BAZ2A: variants seen among roughly 807,000 people sequenced by gnomAD.
The protein encoded by BAZ2A is bromodomain adjacent to zinc finger domain 2A, also known as bromodomain adjacent to zinc finger domain protein 2A.
Under a neutral mutation model 199.9 loss-of-function variants are expected in BAZ2A, and 34 were observed. The ratio of observed to expected loss-of-function variants is 0.17; its 90% CI spans 0.13 to 0.23. The LOEUF (loss-of-function observed/expected upper bound fraction) is 0.23. BAZ2A is among the 10% of genes least tolerant of loss of function. The pLI, the probability that BAZ2A is intolerant of heterozygous loss-of-function variation, is 1.00. For missense variants in BAZ2A, 2,002 were observed against 2,391.1 expected, an observed-to-expected ratio of 0.84 and a Z score of 3.39; for synonymous variants, 857 against 883.9, an observed-to-expected ratio of 0.97 and a Z score of 0.54.
At chr12:56,603,804 G>C (rs982958025) in intron 16 of BAZ2A, 104 bp from the exon 17 acceptor site, 1 of 1,313,968 alleles carries the variant, frequency 7.6e-7, no homozygotes, top group East Asian at 2.5e-5. Flanking sequence ...CCTGAGGTCA[G>C]GAGTTCGAGA....
At position 56,604,386 on chromosome 12, in the gene BAZ2A, G is replaced by A. The variant is rs952513344; in HGVS notation, c.2964-95C>T. 3 of 1,402,080 alleles carry A rather than the reference G, an allele frequency of 2.1e-6. No homozygotes were observed. In the East Asian group the frequency reaches 7.4e-5, roughly 35 times the overall value. The allele number at this position is 1,402,080 out of a possible 1,614,324, so 86.9% of individuals were successfully genotyped here. On this transcript the variant is annotated intron_variant, in intron 15 of 28. Coordinates refer to ENST00000549884, the MANE Select transcript of BAZ2A (RefSeq NM_001300905.2). Reference sequence around the variant, plus strand: ...GGCTGCAGCTGAAAAAGGAGTTCCAGCCTAGAACCCAGATTGGGTGAATGG... The same window carrying A: ...GGCTGCAGCTGAAAAAGGAGTTCCAACCTAGAACCCAGATTGGGTGAATGG...
At position 56,602,207 on chromosome 12, in the gene BAZ2A, A is replaced by C. The variant is rs748012274; in HGVS notation, c.3425-15T>G. On this transcript the variant is annotated splice_polypyrimidine_tract_variant and intron_variant, in intron 19 of 28. Transcript: ENST00000549884. Reference sequence around the variant, plus strand: ...CTCCTCAGGAACTGTAAAGAGAAGTAAAGAGTTAAGCCATATGCTGACATA... The same window carrying C: ...CTCCTCAGGAACTGTAAAGAGAAGTCAAGAGTTAAGCCATATGCTGACATA... 25 of 1,554,728 alleles carry C rather than the reference A, an allele frequency of 1.6e-5. No homozygotes were observed. In the Admixed American group the frequency reaches 4.8e-4, roughly 30 times the overall value.
In BAZ2A at chr12:56,601,331, G is replaced by A. The variant is rs1457119731; in HGVS notation, c.4143C>T (p.Ala1381=). ...CAGGGTCTCCTGCTCGCCTCTTAGG[G>A]GCCAACCCAGCCAAGGGCGTGGAAG... ...QFSSTPLAGL[A]PKRRAGDPGE... The change falls in exon 21 of 29, where the codon GCC becomes GCT. Residue 1381 remains alanine (A), a synonymous_variant. Coordinates refer to ENST00000549884, the MANE Select transcript of BAZ2A (RefSeq NM_001300905.2). 1.2e-6 allele frequency: 2 copies of A among 1,613,982 alleles called. No homozygotes were observed. Among genetic ancestry groups the A allele is most frequent in the South Asian group, 1.1e-5 (1 of 91,086 alleles).
intron 1 of BAZ2A, chr12:56,636,058 C>CT: frequency 8.2e-7 from 1 of 1,226,608 alleles, no homozygotes; most frequent in South Asian, 1.4e-5. Flanking sequence ...CCCCGTCCCC[C>CT]AGAGTCCTGT....
Position 56,609,901 on chromosome 12 carries a change from T to G in BAZ2A, c.1927A>C (p.Ile643Leu). The change falls in exon 10 of 29, where the codon ATT becomes CTT. Residue 643 changes from isoleucine to leucine, a missense_variant. Ile to Leu is a conservative substitution (Grantham distance 5). This residue lies in a region of BAZ2A where 74 missense variants were observed against 126.1 expected (regional missense o/e 0.59). Transcript: ENST00000549884. ...QLSAEEIPSRIQAITGKRGRP... is the reference protein window; with the variant it reads ...QLSAEEIPSRLQAITGKRGRP... ...CCCCGTTTGCCAGTAATTGCCTGAA[T>G]CCTCGACGGGATCTCCTCTGCTGAG... 6.2e-7 allele frequency: 1 copy of G among 1,613,044 alleles called. No homozygotes were observed. Among genetic ancestry groups the G allele is most frequent in the Non-Finnish European group, 8.5e-7 (1 of 1,179,806 alleles).
In BAZ2A at chr12:56,599,197, T is replaced by A. The variant is rs769930015; in HGVS notation, c.5334A>T (p.Glu1778Asp). 6.2e-7 allele frequency: 1 copy of A among 1,613,362 alleles called. No individual in the cohort carries two copies. Among genetic ancestry groups the A allele is most frequent in the South Asian group, 1.1e-5 (1 of 90,926 alleles). ...SPAAGPRYSE[E>D]GLSPSKRRRL... ...GCCGCCGCTTGGAGGGGGAGAGCCCTTCTTCCGAGTACCGAGGCCCTGCTG... is the reference window on the plus strand; with the variant it reads ...GCCGCCGCTTGGAGGGGGAGAGCCCATCTTCCGAGTACCGAGGCCCTGCTG... Residue 1778 changes from glutamate to aspartate, a missense_variant, in exon 27 of 29, where the codon GAA becomes GAT. Coordinates refer to ENST00000549884, the MANE Select transcript of BAZ2A (RefSeq NM_001300905.2).
In BAZ2A at chr12:56,610,494, T is replaced by C. The variant is rs759675179; in HGVS notation, c.1694A>G (p.Lys565Arg). The C allele has an allele frequency of 3.2e-5, 52 of 1,612,946 alleles. No individual in the cohort carries two copies. Among genetic ancestry groups the C allele is most frequent in the Middle Eastern group, 1.6e-4 (1 of 6,082 alleles). Residue 565 changes from lysine (K) to arginine (R), a missense_variant, in exon 8 of 29, where the codon AAG becomes AGG. By Grantham distance (26) the Lys-to-Arg change is conservative. Coordinates refer to ENST00000549884, the MANE Select transcript of BAZ2A (RefSeq NM_001300905.2). ...QHGWRREVRI[K>R]KGSHRWQGET... ...CCCCTGCCATCGGTGGCTGCCCTTC[T>C]TGATGCGCACCTCTCTCCGCCACCT...
intron 23 of BAZ2A, 91 bp downstream of exon 23, chr12:56,600,587 ACCT>A: frequency 6.4e-7 from 1 of 1,570,320 alleles, no homozygotes; most frequent in Non-Finnish European, 8.6e-7. Flanking sequence ...AAGGTAGGTC[ACCT>A]GTGAAGTAGG....
intron 2 of BAZ2A, among the ~76,000 whole-genome samples, chr12:56,616,511 G>A (rs1014111468): frequency 1.3e-5 from 2 of 152,158 alleles, no homozygotes; most frequent in African/African-American, 4.8e-5. Context: ...AAGGTAATAT[G>A]CCAGCTGGCG....
intron 25 of BAZ2A, 32 bp from the exon 26 acceptor site, chr12:56,599,880 C>T: frequency 1.2e-6 from 2 of 1,613,476 alleles, no homozygotes; most frequent in South Asian, 2.2e-5. Flanking sequence ...GCAGAATGAG[C>T]TCTCCAGCCT....
At position 56,601,127 on chromosome 12, in the gene BAZ2A, G is replaced by A. The variant is rs189430035; in HGVS notation, c.4295-29C>T. ...TGAGCAGATGAGATATATGTGGGGC[G>A]CCAGCTGTGAAGCACTGCCCACACC... On this transcript the variant is annotated intron_variant, in intron 21 of 28. Coordinates refer to ENST00000549884, the MANE Select transcript of BAZ2A (RefSeq NM_001300905.2). 134 of 1,613,728 alleles carry A rather than the reference G, an allele frequency of 8.3e-5. No homozygotes were observed. In the East Asian group the frequency reaches 1.9e-3, roughly 23 times the overall value.
chr12:56,612,005 G>T lies in BAZ2A; in HGVS notation c.1377C>A (p.Val459=), dbSNP rs1229650871. The change falls in exon 6 of 29, where the codon GTC becomes GTA. Residue 459 remains valine, a synonymous_variant. Transcript: ENST00000549884. Reference sequence around the variant, plus strand: ...AGACCACTGAGAAGACTGCTGGAGAGACAACTGTAGAAGCTGCGGGACAAA... The same window carrying T: ...AGACCACTGAGAAGACTGCTGGAGATACAACTGTAGAAGCTGCGGGACAAA... ...PEVCPAASTV[V]SPAVFSVVSP... 6.2e-7 allele frequency: 1 copy of T among 1,613,746 alleles called. No homozygotes were observed. Among genetic ancestry groups the T allele is most frequent in the South Asian group, 1.1e-5 (1 of 91,006 alleles).
In BAZ2A at chr12:56,613,937, T is replaced by A. The variant is rs1177328273; in HGVS notation, c.916+16A>T. 1.9e-6 allele frequency: 3 copies of A among 1,610,134 alleles called. No homozygotes were observed. The highest frequency in any genetic ancestry group is 2.2e-5 in the East Asian group (1 of 44,830). ...TCTGCATGGATAAGTTAAAGGGACA[T>A]AGCCTCCAAACCTACCTGGTGCCAG... On this transcript the variant is annotated intron_variant, in intron 4 of 28. Coordinates refer to ENST00000549884, the MANE Select transcript of BAZ2A (RefSeq NM_001300905.2).
At chr12:56,632,555 T>G (rs1035437879), upstream of BAZ2A, among the ~76,000 whole-genome samples, 2 of 152,050 alleles carry the variant, frequency 1.3e-5, no homozygotes, top group African/African-American at 4.8e-5. Context: ...TGTGCCCCAC[T>G]GACCGCCCCC....
At chr12:56,620,889 C>T (rs925965438) in intron 1 of BAZ2A, among the ~76,000 whole-genome samples, 4 of 152,088 alleles carry the variant, frequency 2.6e-5, no homozygotes, top group Non-Finnish European at 4.4e-5. Context: ...TTAACAGCTA[C>T]TCCTCAGCAG....
At chr12:56,625,875 C>CAAAAAAAAAAAAAA (rs748737235) in intron 1 of BAZ2A, among the ~76,000 whole-genome samples, 6 of 55,262 alleles carry the variant, frequency 1.1e-4, no homozygotes, top group African/African-American at 1.8e-4. Context: ...AACTCCGTCT[C>CAAAAAAAAAAAAAA]AAAAAAAAAA....
chr12:56,605,291 A>T lies in BAZ2A; in HGVS notation c.2530T>A (p.Leu844Met). Residue 844 changes from leucine to methionine, a missense_variant, in exon 14 of 29, where the codon TTG (leucine) becomes ATG (methionine). Coordinates refer to ENST00000549884, the MANE Select transcript of BAZ2A (RefSeq NM_001300905.2). ...CAGTCTGAGAAGGCTCCACTGGGCA[A>T]TGTCAGACCAGGGACTCGTGAGAAG... ...PDFSRVPGLTLPSGAFSDCLT... is the reference protein window; with the variant it reads ...PDFSRVPGLTMPSGAFSDCLT... 6.2e-7 allele frequency: 1 copy of T among 1,613,562 alleles called. No homozygotes were observed.
chr12:56,629,954 A>T, intron 1 of BAZ2A, 171 bp downstream of exon 1: 1 of 406,838 alleles, frequency 2.5e-6, no homozygotes, highest in Non-Finnish European at 3.3e-6. Flanking sequence ...CCCAGACCCC[A>T]GAGCAAGGAG....
rs778328821 is a variant in BAZ2A, at chr12:56,605,803, C to T, written c.2493+27G>A. On this transcript the variant is annotated intron_variant, in intron 13 of 28. Coordinates refer to ENST00000549884, the MANE Select transcript of BAZ2A (RefSeq NM_001300905.2). ...TAAAGGAAAGTCTTCCCAGCTGACCCAGGAACTGTTACTCTCTCCTCACTA... is the reference window on the plus strand; with the variant it reads ...TAAAGGAAAGTCTTCCCAGCTGACCTAGGAACTGTTACTCTCTCCTCACTA... 5 of 1,588,974 alleles carry T rather than the reference C, an allele frequency of 3.1e-6. No homozygotes were observed. The Admixed American group carries it at 5.3e-5, about 17-fold the overall frequency.
Sources: allele counts gnomAD v4.1 joint callset (sites outside exome capture counted in the v4.1 genomes callset), GRCh38; gene constraint gnomAD v4.1.1; regional missense constraint gnomAD v4.1.1; transcripts MANE v1.5; gene names NCBI Gene and HGNC (gene_info 2026-07-23, HGNC 2026-07-21).